ATXN8OS: variants seen among roughly 807,000 people sequenced by gnomAD.
The protein encoded by ATXN8OS is ATXN8 opposite strand (non-protein coding).
intron 4 of ATXN8OS, among the ~76,000 whole-genome samples, chr13:70,164,583 A>G (rs1441271774): frequency 3.3e-5 from 5 of 152,050 alleles, no homozygotes; most frequent in African/African-American, 1.2e-4. Context: ...TTGTCATCTG[A>G]GCATAAGTGA....
chr13:70,153,838 C>G (rs570514952), intron 4 of ATXN8OS, among the ~76,000 whole-genome samples: 1 of 152,188 alleles, frequency 6.6e-6, no homozygotes, highest in African/African-American at 2.4e-5. Flanking sequence ...TGCCACTACA[C>G]CTGTCCAATT....
chr13:70,169,048 T>C (rs1889112234), intron 4 of ATXN8OS, among the ~76,000 whole-genome samples: 1 of 152,120 alleles, frequency 6.6e-6, no homozygotes, highest in Non-Finnish European at 1.5e-5. Context: ...TGTTTTTCCA[T>C]GAATAGATTG....
intron 3 of ATXN8OS, chr13:70,130,903 A>C (rs1888523199): frequency 1.8e-5 from 7 of 398,414 alleles, no homozygotes; most frequent in Non-Finnish European, 2.7e-5. Context: ...CAGAGATAGT[A>C]TAGATAAATC....
At chr13:70,155,978 G>A (rs960053685) in intron 4 of ATXN8OS, among the ~76,000 whole-genome samples, 4 of 151,540 alleles carry the variant, frequency 2.6e-5, no homozygotes, top group Admixed American at 6.6e-5. Flanking sequence ...ATGCCTTTTT[G>A]TTTTATGCTT....
At chr13:70,110,303 T>C (rs1370477702) in intron 1 of ATXN8OS, among the ~76,000 whole-genome samples, 1 of 152,102 alleles carries the variant, frequency 6.6e-6, no homozygotes, top group Non-Finnish European at 1.5e-5. Context: ...CTTAATACAA[T>C]ATATAAGTTT....
At chr13:70,165,051 G>T (rs1230696296) in intron 4 of ATXN8OS, among the ~76,000 whole-genome samples, 1 of 151,852 alleles carries the variant, frequency 6.6e-6, no homozygotes, top group Admixed American at 6.6e-5. Flanking sequence ...GTTACAATAT[G>T]GCCTCTGGAT....
intron 2 of ATXN8OS, among the ~76,000 whole-genome samples, chr13:70,128,630 C>T (rs768243529): frequency 6.6e-6 from 1 of 152,004 alleles, no homozygotes; most frequent in African/African-American, 2.4e-5. Flanking sequence ...TTTAAAAATG[C>T]TAACACATAT....
intron 4 of ATXN8OS, among the ~76,000 whole-genome samples, chr13:70,151,415 C>A (rs79645674): frequency 6.6e-6 from 1 of 151,880 alleles, no homozygotes; most frequent in African/African-American, 2.4e-5. Context: ...GCTTATTTCA[C>A]GCAACATAAT....
intron 2 of ATXN8OS, among the ~76,000 whole-genome samples, chr13:70,116,688 C>G (rs1888284143): frequency 6.6e-6 from 1 of 152,092 alleles, no homozygotes; most frequent in South Asian, 2.1e-4. Context: ...ATCTGACTTC[C>G]ATTTTCTAAG....
intron 2 of ATXN8OS, among the ~76,000 whole-genome samples, chr13:70,124,995 T>C (rs1888410063): frequency 6.6e-6 from 1 of 151,826 alleles, no homozygotes; most frequent in African/African-American, 2.4e-5. Flanking sequence ...CTGAAGTTCT[T>C]AGTGGTTGTG....
intron 3 of ATXN8OS, chr13:70,131,594 T>G: frequency 5.0e-6 from 2 of 397,658 alleles, no homozygotes; most frequent in Non-Finnish European, 8.9e-6. Context: ...TTTTACCACT[T>G]CCCTCAGTTC....
intron 3 of ATXN8OS, among the ~76,000 whole-genome samples, chr13:70,143,269 GA>G (rs1481103277): frequency 6.6e-6 from 1 of 151,892 alleles, no homozygotes; most frequent in African/African-American, 2.4e-5. Flanking sequence ...TTCCTCAAGT[GA>G]ATTTCCCTCT....
upstream of ATXN8OS, chr13:70,107,590 C>A (rs757649187): frequency 7.5e-6 from 12 of 1,600,636 alleles, no homozygotes; most frequent in African/African-American, 1.3e-5. Flanking sequence ...CTGTTGCAGG[C>A]AGCCTCCCCC....
At chr13:70,152,358 T>TATAC in intron 4 of ATXN8OS, among the ~76,000 whole-genome samples, 1 of 151,922 alleles carries the variant, frequency 6.6e-6, no homozygotes, top group East Asian at 1.9e-4. Context: ...TGTGTGTGTG[T>TATAC]GTATATATAC....
intron 3 of ATXN8OS, among the ~76,000 whole-genome samples, chr13:70,140,519 A>AACACAC (rs1555300642): frequency 8.0e-4 from 81 of 100,690 alleles, no homozygotes; most frequent in African/African-American, 2.5e-3. Flanking sequence ...TGCTTACCAT[A>AACACAC]ACACACACAC....
chr13:70,162,577 C>A (rs1192917987), intron 4 of ATXN8OS, among the ~76,000 whole-genome samples: 1 of 152,004 alleles, frequency 6.6e-6, no homozygotes, highest in Non-Finnish European at 1.5e-5. Context: ...TCTGCTGGGG[C>A]TGATCGATTC....
chr13:70,156,902 A>T (rs747522436), intron 4 of ATXN8OS, among the ~76,000 whole-genome samples: 3 of 152,170 alleles, frequency 2.0e-5, no homozygotes, highest in African/African-American at 4.8e-5. Context: ...GAAGACAGGA[A>T]ATCAGCTGGC....
At chr13:70,125,064 A>G (rs543417739) in intron 2 of ATXN8OS, among the ~76,000 whole-genome samples, 3 of 152,002 alleles carry the variant, frequency 2.0e-5, no homozygotes, top group East Asian at 3.9e-4. Context: ...TTCGAATATC[A>G]ATTACACGAA....
chr13:70,159,482 TTTTC>T (rs1181209227), intron 4 of ATXN8OS, among the ~76,000 whole-genome samples: 1 of 152,154 alleles, frequency 6.6e-6, no homozygotes, highest in African/African-American at 2.4e-5. Context: ...TTCTTTTTGG[TTTTC>T]TTTATCGAAT....
Sources: allele counts gnomAD v4.1 joint callset (sites outside exome capture counted in the v4.1 genomes callset), GRCh38; gene constraint gnomAD v4.1.1; transcripts MANE v1.5; gene names NCBI Gene and HGNC (gene_info 2026-07-23, HGNC 2026-07-21).